Variants in TMEM132B observed in about 807,000 individuals in gnomAD.
TMEM132B encodes transmembrane protein 132B.
TMEM132B carries 18 observed loss-of-function variants against 90.8 expected under a neutral mutation model. The ratio of observed to expected loss-of-function variants is 0.20; its 90% CI spans 0.14 to 0.29. TMEM132B has a LOEUF of 0.29. Ranked by LOEUF, TMEM132B falls within the 10% of genes least tolerant of loss-of-function variation. The pLI, the probability that TMEM132B is intolerant of heterozygous loss-of-function variation, is 1.00. For missense variants in TMEM132B, 1,096 were observed against 1,326.8 expected (o/e 0.83, Z 2.70); for synonymous variants, 504 against 523.3 (o/e 0.96, Z 0.50).
intron 3 of TMEM132B, among the ~76,000 whole-genome samples, chr12:125,480,798 C>G (rs112611972): frequency 6.6e-6 from 1 of 152,068 alleles, no homozygotes; most frequent in Non-Finnish European, 1.5e-5. Context: ...CTGGCAGATA[C>G]ACAACAAAAA....
At chr12:125,533,426 C>G (rs976335691) in intron 4 of TMEM132B, among the ~76,000 whole-genome samples, 3 of 152,230 alleles carry the variant, frequency 2.0e-5, no homozygotes, top group African/African-American at 7.2e-5. Context: ...CCAGGGCCCT[C>G]CAGCTGCACA....
intron 4 of TMEM132B, among the ~76,000 whole-genome samples, chr12:125,526,349 C>T (rs1883461361): frequency 6.6e-6 from 1 of 152,230 alleles, no homozygotes; most frequent in African/African-American, 2.4e-5. Flanking sequence ...TCCACTGTGC[C>T]ATCCCTCATT....
chr12:125,479,762 T>G (rs1034422036), intron 3 of TMEM132B, among the ~76,000 whole-genome samples: 30 of 152,186 alleles, frequency 2.0e-4, no homozygotes, highest in African/African-American at 6.3e-4. Context: ...GCAGACCTAA[T>G]AGACATCTAC....
intron 3 of TMEM132B, among the ~76,000 whole-genome samples, chr12:125,470,414 C>T (rs1381482505): frequency 6.6e-6 from 1 of 151,974 alleles, no homozygotes; most frequent in Admixed American, 6.5e-5. Context: ...GAGTCTCTCC[C>T]TGCCCTCTCC....
intron 1 of TMEM132B, among the ~76,000 whole-genome samples, chr12:125,344,110 A>G (rs923719661): frequency 6.6e-6 from 1 of 151,818 alleles, no homozygotes; most frequent in African/African-American, 2.4e-5. Flanking sequence ...ATTTTAGTAG[A>G]CAGAATGGAT....
At chr12:125,463,951 G>A (rs754371367) in intron 3 of TMEM132B, among the ~76,000 whole-genome samples, 9 of 152,146 alleles carry the variant, frequency 5.9e-5, no homozygotes, top group Admixed American at 1.3e-4. Flanking sequence ...GAGAGCAAGA[G>A]CAAGGAAGTG....
intron 1 of TMEM132B, among the ~76,000 whole-genome samples, chr12:125,225,402 TCAGGTCCCTGTGTGACAGCACAGGC>T: frequency 6.6e-6 from 1 of 152,222 alleles, no homozygotes; most frequent in Non-Finnish European, 1.5e-5. Context: ...CTTTCTGAGA[TCAGGTCCCTGTGTGACAGCACAGGC>T]CACTCACACA....
At chr12:125,448,151 C>G (rs2136442445) in intron 3 of TMEM132B, among the ~76,000 whole-genome samples, 1 of 152,086 alleles carries the variant, frequency 6.6e-6, no homozygotes, top group Non-Finnish European at 1.5e-5. Flanking sequence ...GTAATCCCAG[C>G]TACTTAGGAG....
intron 1 of TMEM132B, among the ~76,000 whole-genome samples, chr12:125,295,451 C>A (rs1482174923): frequency 6.8e-6 from 1 of 147,486 alleles, no homozygotes; most frequent in African/African-American, 2.6e-5. Context: ...ACAGGAGAGA[C>A]TCTGGGAAGT....
At chr12:125,525,140 C>G (rs1883414147) in intron 4 of TMEM132B, among the ~76,000 whole-genome samples, 1 of 152,098 alleles carries the variant, frequency 6.6e-6, no homozygotes. Context: ...CAGCAGAACA[C>G]TCTAGTAGGC....
intron 3 of TMEM132B, among the ~76,000 whole-genome samples, chr12:125,430,178 A>G (rs399621): frequency 0.79 from 120,503 of 152,136 alleles, 48,341 homozygotes; most frequent in East Asian, 0.89. Context: ...ATAATGCAGG[A>G]TGATTTGTTT....
chr12:125,344,778 G>A (rs1877302663), intron 1 of TMEM132B, among the ~76,000 whole-genome samples: 1 of 152,070 alleles, frequency 6.6e-6, no homozygotes, highest in Admixed American at 6.5e-5. Flanking sequence ...AGTCTTCTCT[G>A]CTCACATGTG....
At chr12:125,480,849 G>T (rs1038475259) in intron 3 of TMEM132B, among the ~76,000 whole-genome samples, 1 of 151,904 alleles carries the variant, frequency 6.6e-6, no homozygotes, top group Non-Finnish European at 1.5e-5. Context: ...ACATCAATGC[G>T]AATATCCTCA....
intron 4 of TMEM132B, among the ~76,000 whole-genome samples, chr12:125,563,713 TGG>T (rs1487239781): frequency 1.3e-5 from 2 of 152,190 alleles, no homozygotes. Context: ...CCTGCATTTA[TGG>T]TGGTACCTAA....
intron 3 of TMEM132B, among the ~76,000 whole-genome samples, chr12:125,475,250 A>G (rs1470322773): frequency 7.2e-5 from 11 of 152,188 alleles, no homozygotes; most frequent in Admixed American, 7.2e-4. Context: ...TATCATTAGC[A>G]TTGTTATTGT....
At position 125,648,706 on chromosome 12, in the gene TMEM132B, T is replaced by G. The variant is rs139621743; in HGVS notation, c.1644-1977T>G. Among the ~76,000 whole-genome samples, 1,429 of 152,330 alleles carry G rather than the reference T, an allele frequency of 9.4e-3. 26 individuals carry two copies. The highest frequency in any genetic ancestry group is 0.033 in the African/African-American group (1,355 of 41,582). ...CTGATGTATTCATTGACCATTGTTA[T>G]GATACTGCCACATTTTAGTGAAACA... On this transcript the variant is annotated intron_variant, in intron 6 of 8. Coordinates refer to ENST00000682704, the MANE Select transcript of TMEM132B (RefSeq NM_001366854.1).
At chr12:125,541,386 C>T (rs1460134374) in intron 4 of TMEM132B, among the ~76,000 whole-genome samples, 40 of 152,186 alleles carry the variant, frequency 2.6e-4, no homozygotes. Context: ...TCTTCTGATA[C>T]AGCCTCTTGG....
At chr12:125,581,157 C>T (rs1885045238) in intron 4 of TMEM132B, among the ~76,000 whole-genome samples, 1 of 152,186 alleles carries the variant, frequency 6.6e-6, no homozygotes, top group African/African-American at 2.4e-5. Flanking sequence ...AGTCACCTTT[C>T]TTGAAACTCA....
intron 2 of TMEM132B, among the ~76,000 whole-genome samples, chr12:125,389,011 T>TGTAC (rs1252997104): frequency 8.0e-6 from 1 of 124,256 alleles, no homozygotes; most frequent in African/African-American, 3.1e-5. Flanking sequence ...CCATATTTTC[T>TGTAC]GTACACACAC....
Sources: allele counts gnomAD v4.1 joint callset (sites outside exome capture counted in the v4.1 genomes callset), GRCh38; gene constraint gnomAD v4.1.1; transcripts MANE v1.5; gene names NCBI Gene and HGNC (gene_info 2026-07-23, HGNC 2026-07-21).